HEBP1: variants seen among roughly 807,000 people sequenced by gnomAD.
The protein encoded by HEBP1 is heme-binding protein 1.
A neutral mutation model predicts 20.4 loss-of-function variants in HEBP1; 13 were observed. That is an observed-to-expected ratio of 0.64 (90% CI 0.42 to 1.01). The LOEUF (loss-of-function observed/expected upper bound fraction) is 1.01. HEBP1 is among the 50% of genes least tolerant of loss of function. The pLI is 0.00. For synonymous variants in HEBP1, 92 were observed against 90.7 expected, an observed-to-expected ratio of 1.01 and a Z score of -0.08; for missense variants, 241 against 247.3, an observed-to-expected ratio of 0.97 and a Z score of 0.17.
chr12:12,987,082 C>T, intron 3 of HEBP1, 70 bp downstream of exon 3: 1 of 1,281,992 alleles, frequency 7.8e-7, no homozygotes, highest in Non-Finnish European at 1.1e-6. Flanking sequence ...GAATGCTTGC[C>T]AGAGGTGATG....
At chr12:12,990,986 A>G (rs181756930) in intron 1 of HEBP1, among the ~76,000 whole-genome samples, 270 of 152,212 alleles carry the variant, frequency 1.8e-3, no homozygotes, top group African/African-American at 5.8e-3. Flanking sequence ...AACCTGACCA[A>G]TCAGCACTCC....
Position 12,996,016 on chromosome 12 carries a change from T to C in HEBP1, c.78+4021A>G, listed in dbSNP as rs1045973942. 3.0e-4 allele frequency among the ~76,000 whole-genome samples: 46 copies of C among 152,332 alleles called. No homozygotes were observed. Among genetic ancestry groups the C allele is most frequent in the Non-Finnish European group, 7.4e-5 (5 of 68,024 alleles). On this transcript the variant is annotated intron_variant, in intron 1 of 3. Coordinates refer to ENST00000014930, the MANE Select transcript of HEBP1 (RefSeq NM_015987.5). The surrounding 1 kb of genome is among the most constrained non-coding windows in gnomAD (Gnocchi z 4.1). Reference sequence around the variant, plus strand: ...GTTTTTTTCTTGCCACTTCATGTAGTGGGTATACATGCTAATGTTGGAAAC... The same window carrying C: ...GTTTTTTTCTTGCCACTTCATGTAGCGGGTATACATGCTAATGTTGGAAAC...
At chr12:12,999,672 C>G (rs886336365) in intron 1 of HEBP1, among the ~76,000 whole-genome samples, 1 of 152,222 alleles carries the variant, frequency 6.6e-6, no homozygotes, top group Admixed American at 6.5e-5. Flanking sequence ...GAGTTTCTTG[C>G]GACACTCATT....
intron 1 of HEBP1, among the ~76,000 whole-genome samples, chr12:12,993,384 A>G (rs1249274509): frequency 1.3e-5 from 2 of 151,200 alleles, no homozygotes; most frequent in African/African-American, 2.4e-5. Flanking sequence ...TTGTAGAGAC[A>G]GGGTTTCACC....
intron 1 of HEBP1, among the ~76,000 whole-genome samples, chr12:12,994,981 G>T (rs1227854407): frequency 6.6e-6 from 1 of 152,170 alleles, no homozygotes; most frequent in African/African-American, 2.4e-5. Flanking sequence ...CCTTGATGAT[G>T]CAGGCACCAC....
chr12:13,000,263 G>GGGGCGGCA lies in HEBP1; in HGVS notation c.-150_-149insTGCCGCCC. On this transcript the variant is annotated 5_prime_UTR_variant, in exon 1 of 4. Transcript: ENST00000014930. ...CAGGGCGGCAAGGCGGCGGGACGGC[G>GGGGCGGCA]AGGCGGCGAGGCGAGAGGCGGGGCT... 4.3e-6 allele frequency: 1 copy of GGGGCGGCA among 233,586 alleles called. No individual in the cohort carries two copies. Among genetic ancestry groups the GGGGCGGCA allele is most frequent in the Non-Finnish European group, 8.5e-6 (1 of 117,696 alleles). 14.5% of individuals were successfully genotyped at this position (233,586 alleles called of 1,614,324 possible).
chr12:12,993,774 G>A (rs1339307164), intron 1 of HEBP1, among the ~76,000 whole-genome samples: 3 of 152,050 alleles, frequency 2.0e-5, no homozygotes, highest in East Asian at 3.9e-4. Context: ...TATCTACCAT[G>A]TGCTGAACAT....
In HEBP1 at chr12:13,000,206, C is replaced by A; in HGVS notation, c.-92G>T. 1 of 361,672 alleles carries A rather than the reference C, an allele frequency of 2.8e-6. No individual in the cohort carries two copies. Among genetic ancestry groups the A allele is most frequent in the Non-Finnish European group, 4.8e-6 (1 of 208,662 alleles). The allele number at this position is 361,672 out of a possible 1,614,324, so 22.4% of individuals were successfully genotyped here. On this transcript the variant is annotated 5_prime_UTR_variant, in exon 1 of 4. Coordinates refer to ENST00000014930, the MANE Select transcript of HEBP1 (RefSeq NM_015987.5). Reference sequence around the variant, plus strand: ...GCAGCGACCACCGGCGGCAGGGCGGCAGGGCGGCAGGGCGGCAGGGCGGCA... The same window carrying A: ...GCAGCGACCACCGGCGGCAGGGCGGAAGGGCGGCAGGGCGGCAGGGCGGCA...
At chr12:12,989,514 G>C (rs2136546919) in intron 1 of HEBP1, 99 bp from the exon 2 acceptor site, 1 of 1,154,182 alleles carries the variant, frequency 8.7e-7, no homozygotes, top group South Asian at 1.4e-5. Flanking sequence ...TCCTTGGTGG[G>C]TATGGCCATA....
chr12:12,987,928 G>T (rs850923), intron 2 of HEBP1, among the ~76,000 whole-genome samples: 103,591 of 152,076 alleles, frequency 0.68, 39,423 homozygotes, highest in Non-Finnish European at 0.83. Context: ...GAGCCACCAT[G>T]CCTAGCCAGT....
At chr12:12,992,851 A>C (rs1324806877) in intron 1 of HEBP1, among the ~76,000 whole-genome samples, 1 of 152,238 alleles carries the variant, frequency 6.6e-6, no homozygotes, top group East Asian at 1.9e-4. Flanking sequence ...AGAAGTTCAG[A>C]ACCTAAAATG....
chr12:12,999,201 A>G (rs1253965376), intron 1 of HEBP1, among the ~76,000 whole-genome samples: 5 of 152,232 alleles, frequency 3.3e-5, no homozygotes, highest in African/African-American at 4.8e-5. Flanking sequence ...GATACCTGAA[A>G]CGGTGGACAA....
chr12:12,979,987 T>C (rs937395394), intron 3 of HEBP1: 1 of 152,218 alleles, frequency 6.6e-6, no homozygotes, highest in Non-Finnish European at 1.5e-5. Flanking sequence ...AATCATAATG[T>C]GTTATTTTTT....
rs547169307 is a variant in HEBP1 at position 12,976,540 on chromosome 12, A to G, written c.399-1061T>C. 4.6e-5 allele frequency among the ~76,000 whole-genome samples: 7 copies of G among 152,346 alleles called. No individual in the cohort carries two copies. In the South Asian group the frequency reaches 8.3e-4, roughly 18 times the overall value. On this transcript the variant is annotated intron_variant, in intron 3 of 3. Transcript: ENST00000014930. Reference sequence around the variant, plus strand: ...CACCAGGCCAAGATTAGGCCAAATAATGCATTATTTTTGGTGGAGTCCTCT... The same window carrying G: ...CACCAGGCCAAGATTAGGCCAAATAGTGCATTATTTTTGGTGGAGTCCTCT...
chr12:12,989,617 C>T (rs1864193235), intron 1 of HEBP1, among the ~76,000 whole-genome samples: 1 of 152,108 alleles, frequency 6.6e-6, no homozygotes, highest in Admixed American at 6.5e-5. Context: ...AAATCTTATA[C>T]ATTATATTCT....
Position 12,975,121 on chromosome 12 carries a change from T to C in HEBP1, c.*187A>G, listed in dbSNP as rs1326671100. 3.7e-6 allele frequency: 2 copies of C among 538,156 alleles called. No individual in the cohort carries two copies. The highest frequency in any genetic ancestry group is 4.6e-5 in the South Asian group (2 of 43,540). 33.3% of individuals were successfully genotyped at this position (538,156 alleles called of 1,614,324 possible). The stretch of plus-strand genomic sequence containing the variant: ...TGCATATCTTGGCTGTATTATTTCC[T>C]ACTGTGAGAAAAGAGACTTAGTATA... On this transcript the variant is annotated 3_prime_UTR_variant, in exon 4 of 4. Coordinates refer to ENST00000014930, the MANE Select transcript of HEBP1 (RefSeq NM_015987.5).
intron 3 of HEBP1, among the ~76,000 whole-genome samples, chr12:12,977,168 C>T (rs1008570973): frequency 1.3e-5 from 2 of 152,170 alleles, no homozygotes; most frequent in East Asian, 1.9e-4. Flanking sequence ...CTTTCTAGGT[C>T]TTAAGCTAAT....
intron 1 of HEBP1, among the ~76,000 whole-genome samples, chr12:12,991,483 C>T (rs996076596): frequency 6.6e-6 from 1 of 152,176 alleles, no homozygotes; most frequent in African/African-American, 2.4e-5. Context: ...CCACTTTCTG[C>T]ATTGAGGCCC....
intron 3 of HEBP1, chr12:12,983,689 T>C (rs735689): frequency 0.55 from 249,844 of 455,776 alleles, 71,934 homozygotes; most frequent in Non-Finnish European, 0.63. Context: ...AACTCCGTGT[T>C]AAAAATTCCA....
Sources: allele counts gnomAD v4.1 joint callset (sites outside exome capture counted in the v4.1 genomes callset), GRCh38; gene constraint gnomAD v4.1.1; non-coding constraint Gnocchi (gnomAD v3.1); transcripts MANE v1.5; gene names NCBI Gene and HGNC (gene_info 2026-07-23, HGNC 2026-07-21).